The following ABCA4 variants were observed in gnomAD, a reference collection of about 807,000 sequenced individuals.
ABCA4 encodes retinal-specific phospholipid-transporting ATPase ABCA4.
ABCA4 carries 196 observed loss-of-function variants against 263.7 expected under a neutral mutation model. The observed-to-expected ratio is 0.74, with a 90% CI of 0.66 to 0.84. The LOEUF (loss-of-function observed/expected upper bound fraction) is 0.84. ABCA4 is among the 40% of genes least tolerant of loss of function. The pLI is 0.00. For missense variants in ABCA4, 2,792 were observed against 2,855.1 expected (o/e 0.98, Z 0.50); for synonymous variants, 1,133 against 1,094.2 (o/e 1.04, Z -0.70).
rs764312285 is a variant in ABCA4, at chr1:94,116,968, C to CTTTCTTTCTTTCTTTCTT, written c.67-3903_67-3902insAAGAAAGAAAGAAAGAAA. ...CCCTCCCTCCCTCCTTTCTTTCTTT[C>CTTTCTTTCTTTCTTTCTT]TCTTTCTTTCTTTCTTTCTTTCTTT... On this transcript the variant is annotated intron_variant, in intron 1 of 49. Transcript: ENST00000370225. Among the ~76,000 whole-genome samples the CTTTCTTTCTTTCTTTCTT allele has an allele frequency of 1.2e-4, 12 of 100,052 alleles. No individual in the cohort carries two copies. In the East Asian group the frequency reaches 1.9e-3, roughly 16 times the overall value. The allele number at this position is 100,052 out of a possible 152,430, so 65.6% of individuals were successfully genotyped here.
At chr1:94,098,766 T>C (rs1309957875) in intron 6 of ABCA4, 28 bp downstream of exon 6, 13 of 1,612,848 alleles carry the variant, frequency 8.1e-6, no homozygotes, top group South Asian at 2.2e-5. Context: ...CACCTTGCAA[T>C]TGGCGAGCAG....
intron 19 of ABCA4, among the ~76,000 whole-genome samples, chr1:94,046,455 CAAAA>C (rs61333901): frequency 2.4e-5 from 1 of 42,238 alleles, no homozygotes; most frequent in Non-Finnish European, 4.5e-5. Flanking sequence ...GTTACTATCT[CAAAA>C]AAAAAAAAAA....
Position 94,015,764 on chromosome 1 carries a change from G to A in ABCA4, c.5287C>T (p.Leu1763Phe). ...AYTSPENLPALVALLLLYGWA... is the reference protein window; with the variant it reads ...AYTSPENLPAFVALLLLYGWA... ...CCATACAGCAGGAGCAGTGCCACAA[G>A]GGCAGGAAGGTTTTCTGGAGAAGTG... The change falls in exon 37 of 50, where the codon CTT (leucine) becomes TTT (phenylalanine). Residue 1763 changes from leucine to phenylalanine, a missense_variant. By Grantham distance (22) the Leu-to-Phe change is conservative. Coordinates refer to ENST00000370225, the MANE Select transcript of ABCA4 (RefSeq NM_000350.3). The A allele has an allele frequency of 6.2e-7, 1 of 1,613,536 alleles. No homozygotes were observed.
Position 94,021,921 on chromosome 1 carries a change from G to A in ABCA4, c.4698C>T (p.Leu1566=), listed in dbSNP as rs1479042787. The change falls in exon 33 of 50, where the codon CTC becomes CTT. Residue 1566 remains leucine, a synonymous_variant. Coordinates refer to ENST00000370225, the MANE Select transcript of ABCA4 (RefSeq NM_000350.3). ...RYGGISIGGK[L]PVVPITGEAL... is the part of the protein sequence containing the mutation. The stretch of plus-strand genomic sequence containing the variant: ...CTTCCCCCGTGATGGGGACGACTGG[G>A]AGCTTTCCTCCAATGGAAATTCCTC... The A allele has an allele frequency of 6.2e-7, 1 of 1,614,058 alleles. No homozygotes were observed. Among genetic ancestry groups the A allele is most frequent in the Non-Finnish European group, 8.5e-7 (1 of 1,180,040 alleles).
intron 49 of ABCA4, among the ~76,000 whole-genome samples, chr1:93,994,884 G>C (rs568657667): frequency 1.3e-5 from 2 of 152,244 alleles, no homozygotes; most frequent in African/African-American, 4.8e-5. Flanking sequence ...TCCTTTAAGA[G>C]GGAACATGCC....
intron 22 of ABCA4, 112 bp from the exon 23 acceptor site, chr1:94,041,514 A>G (rs1004496063): frequency 1.9e-5 from 1 of 51,374 alleles, no homozygotes; most frequent in Non-Finnish European, 2.5e-5. Context: ...GGAGTTAACT[A>G]AAAAAAAAAA....
chr1:93,999,047 A>G (rs12068564), intron 47 of ABCA4, among the ~76,000 whole-genome samples: 19,349 of 149,092 alleles, frequency 0.13, 2,073 homozygotes, highest in African/African-American at 0.3. Context: ...CACCACGCCC[A>G]GCCTATTTTA....
At chr1:94,117,479 CCCA>C (rs1662822756) in intron 1 of ABCA4, among the ~76,000 whole-genome samples, 1 of 135,044 alleles carries the variant, frequency 7.4e-6, no homozygotes, top group African/African-American at 2.6e-5. Flanking sequence ...CTCAGGCCCC[CCCA>C]CAGATATCCA....
intron 14 of ABCA4, among the ~76,000 whole-genome samples, chr1:94,058,269 T>C (rs1661031003): frequency 6.6e-6 from 1 of 152,226 alleles, no homozygotes; most frequent in Non-Finnish European, 1.5e-5. Flanking sequence ...CGCAGCTCCA[T>C]AAAAGCAAGT....
chr1:93,998,387 G>A lies in ABCA4; in HGVS notation c.6480-277C>T, dbSNP rs891447072. ...TCCCAGCTACTTGGGAGGCTGAGGC[G>A]GGAGGATCACTTGAGCATAGGAGGT... is the stretch of plus-strand genomic sequence containing the variant. On this transcript the variant is annotated intron_variant, in intron 47 of 49. Transcript: ENST00000370225. Among the ~76,000 whole-genome samples, 7 of 152,172 alleles carry A rather than the reference G, an allele frequency of 4.6e-5. 1 individual carries two copies. The highest frequency in any genetic ancestry group is 4.8e-5 in the African/African-American group (2 of 41,506).
chr1:94,006,592 G>T (rs1659395813), intron 43 of ABCA4, among the ~76,000 whole-genome samples: 1 of 152,236 alleles, frequency 6.6e-6, no homozygotes, highest in Non-Finnish European at 1.5e-5. Context: ...TGCAGGTGAA[G>T]CTGGATCTGT....
chr1:94,092,920 T>A (rs1487246925), intron 6 of ABCA4, among the ~76,000 whole-genome samples: 1 of 152,250 alleles, frequency 6.6e-6, no homozygotes, highest in Non-Finnish European at 1.5e-5. Context: ...TCTTCTCTAA[T>A]GTGAATTTCA....
chr1:94,063,405 T>C, intron 11 of ABCA4, 88 bp from the exon 12 acceptor site: 2 of 1,310,494 alleles, frequency 1.5e-6, no homozygotes, highest in Non-Finnish European at 2.2e-6. Flanking sequence ...GGATAAGGGC[T>C]GCTGTCCCAG....
rs1659888260 is a variant in ABCA4 at position 94,021,290 on chromosome 1, G to A, written c.4968C>T (p.Val1656=). 6.2e-7 allele frequency: 1 copy of A among 1,614,140 alleles called. No individual in the cohort carries two copies. Among genetic ancestry groups the A allele is most frequent in the Admixed American group, 1.7e-5 (1 of 60,012 alleles). The change falls in exon 35 of 50, where the codon GTC becomes GTT. Residue 1656 remains valine (V), a synonymous_variant. Transcript: ENST00000370225. ...DRSPEEYGIT[V]ISQPLNLTKE... is the part of the protein sequence containing the mutation. ...TGGTCAGGTTCAGGGGTTGGCTAAT[G>A]ACGGTGATTCCATACTCCTCGGGGC...
intron 17 of ABCA4, among the ~76,000 whole-genome samples, chr1:94,050,630 C>G (rs867815930): frequency 1.3e-5 from 2 of 151,766 alleles, no homozygotes; most frequent in South Asian, 2.1e-4. Flanking sequence ...GCCCACAAGC[C>G]CTGTGTTGAA....
intron 6 of ABCA4, among the ~76,000 whole-genome samples, chr1:94,088,011 T>C (rs1661877845): frequency 1.3e-5 from 2 of 152,248 alleles, no homozygotes; most frequent in Non-Finnish European, 2.9e-5. Context: ...TACAGTCTAA[T>C]TTCTCTCTTC....
intron 6 of ABCA4, among the ~76,000 whole-genome samples, chr1:94,089,776 T>C (rs1003806098): frequency 3.3e-5 from 5 of 152,216 alleles, no homozygotes; most frequent in African/African-American, 4.8e-5. Flanking sequence ...ATTAAGTTTC[T>C]ATAGCTTGTT....
At chr1:94,059,604 A>G (rs539544442) in intron 14 of ABCA4, 14 of 152,276 alleles carry the variant, frequency 9.2e-5, no homozygotes, top group African/African-American at 3.1e-4. Context: ...GGGATGGGAG[A>G]CACTCAGCCA....
intron 14 of ABCA4, 92 bp from the exon 15 acceptor site, chr1:94,056,914 G>A (rs1660999807): frequency 1.9e-6 from 2 of 1,046,688 alleles, no homozygotes; most frequent in East Asian, 5.2e-5. Flanking sequence ...CCAGCCTGCA[G>A]TTAGTGTCTA....
Sources: gnomAD v4.1 joint callset for allele counts (sites outside exome capture counted in the v4.1 genomes callset) on GRCh38, gnomAD v4.1.1 for gene constraint, MANE v1.5 for transcripts, NCBI Gene and HGNC (gene_info 2026-07-23, HGNC 2026-07-21) for gene names.